Variants in MAPKAP1 observed in about 807,000 individuals in gnomAD.
MAPKAP1 encodes the protein MAPK associated protein 1.
MAPKAP1 carries 20 observed loss-of-function variants against 65.7 expected under a neutral mutation model. The observed-to-expected ratio is 0.30, with a 90% CI of 0.21 to 0.44. MAPKAP1 has a LOEUF of 0.44. Among genes scored for constraint, MAPKAP1 ranks in the 20% least tolerant of loss-of-function variants. MAPKAP1 has a pLI of 1.00. For synonymous variants in MAPKAP1, 222 were observed against 244.3 expected (o/e 0.91, Z 0.85); for missense variants, 423 against 648.0 (o/e 0.65, Z 3.77).
chr9:125,670,644 C>A (rs1288999412), intron 2 of MAPKAP1, among the ~76,000 whole-genome samples: 1 of 152,144 alleles, frequency 6.6e-6, no homozygotes, highest in East Asian at 1.9e-4. Flanking sequence ...ACAAGAGTCA[C>A]CTAAAATTAT....
intron 8 of MAPKAP1, among the ~76,000 whole-genome samples, chr9:125,504,496 G>A (rs752557860): frequency 1.1e-4 from 17 of 152,080 alleles, no homozygotes; most frequent in South Asian, 8.3e-4. Flanking sequence ...AGCATCCTAG[G>A]CCGGTGTGGT....
At chr9:125,673,470 C>T (rs1351434909) in intron 1 of MAPKAP1, among the ~76,000 whole-genome samples, 1 of 152,212 alleles carries the variant, frequency 6.6e-6, no homozygotes, top group Non-Finnish European at 1.5e-5. Context: ...AGTTGATCCG[C>T]CCGCCTTGGC....
chr9:125,446,633 C>A (rs1032276442), intron 10 of MAPKAP1, among the ~76,000 whole-genome samples: 1 of 152,110 alleles, frequency 6.6e-6, no homozygotes, highest in African/African-American at 2.4e-5. Context: ...CAAAGAGACA[C>A]CCCCTCCAGG....
intron 7 of MAPKAP1, among the ~76,000 whole-genome samples, chr9:125,514,781 T>A (rs1041664332): frequency 3.9e-5 from 6 of 152,166 alleles, no homozygotes; most frequent in Non-Finnish European, 8.8e-5. Flanking sequence ...GGCTGGAGAC[T>A]TATGGCAGGA....
chr9:125,472,500 T>C (rs1221818211), intron 9 of MAPKAP1, among the ~76,000 whole-genome samples: 1 of 152,256 alleles, frequency 6.6e-6, no homozygotes, highest in South Asian at 2.1e-4. Context: ...CCACCGAGCA[T>C]AGTTTTGATT....
At chr9:125,640,999 C>T (rs1399199177) in intron 4 of MAPKAP1, among the ~76,000 whole-genome samples, 1 of 152,112 alleles carries the variant, frequency 6.6e-6, no homozygotes, top group Non-Finnish European at 1.5e-5. Flanking sequence ...CTGGCCCTAC[C>T]GTATAGCAGG....
intron 4 of MAPKAP1, among the ~76,000 whole-genome samples, chr9:125,592,119 G>A (rs1327780633): frequency 6.6e-6 from 1 of 152,154 alleles, no homozygotes; most frequent in African/African-American, 2.4e-5. Context: ...AAAGTCCACT[G>A]ACATACAATG....
At chr9:125,512,641 G>T (rs1829335279) in intron 7 of MAPKAP1, among the ~76,000 whole-genome samples, 1 of 152,092 alleles carries the variant, frequency 6.6e-6, no homozygotes, top group Non-Finnish European at 1.5e-5. Flanking sequence ...GAGTGCAGTG[G>T]CGCAATCTCG....
chr9:125,455,015 C>T (rs1043274928), intron 10 of MAPKAP1, among the ~76,000 whole-genome samples: 1 of 151,332 alleles, frequency 6.6e-6, no homozygotes, highest in African/African-American at 2.4e-5. Context: ...GTGAGACCCC[C>T]ATCTCTATTT....
chr9:125,458,417 T>A (rs987467705), intron 10 of MAPKAP1, among the ~76,000 whole-genome samples: 1 of 151,994 alleles, frequency 6.6e-6, no homozygotes, highest in Admixed American at 6.6e-5. Context: ...TGGTGATGAC[T>A]CTTAACGAGC....
intron 9 of MAPKAP1, among the ~76,000 whole-genome samples, chr9:125,479,129 C>T (rs76105947): frequency 0.11 from 16,145 of 152,154 alleles, 1,456 homozygotes; most frequent in African/African-American, 0.24. Flanking sequence ...CGATTTCAGG[C>T]GCCAGCGCAT....
At chr9:125,511,065 C>T (rs1237272746) in intron 7 of MAPKAP1, among the ~76,000 whole-genome samples, 4 of 152,194 alleles carry the variant, frequency 2.6e-5, no homozygotes, top group Non-Finnish European at 4.4e-5. Flanking sequence ...ACCTACCTCA[C>T]AGGATTGTCT....
intron 1 of MAPKAP1, among the ~76,000 whole-genome samples, chr9:125,682,876 C>T (rs1834863373): frequency 6.6e-6 from 1 of 152,078 alleles, no homozygotes; most frequent in African/African-American, 2.4e-5. Context: ...ACCAAAGATA[C>T]ACTGCTGAGC....
intron 11 of MAPKAP1, among the ~76,000 whole-genome samples, chr9:125,440,428 C>G (rs1385634504): frequency 6.6e-6 from 1 of 152,232 alleles, no homozygotes; most frequent in East Asian, 1.9e-4. Context: ...GACGCTATTT[C>G]TCTTCACCTG....
At chr9:125,456,579 C>G (rs1853170237) in intron 10 of MAPKAP1, among the ~76,000 whole-genome samples, 1 of 152,228 alleles carries the variant, frequency 6.6e-6, no homozygotes, top group South Asian at 2.1e-4. Context: ...TGGGATGTCA[C>G]TTCTGTGAAT....
chr9:125,695,028 C>T (rs754968094), intron 1 of MAPKAP1, among the ~76,000 whole-genome samples: 75 of 152,152 alleles, frequency 4.9e-4, no homozygotes, highest in Non-Finnish European at 9.0e-4. Flanking sequence ...TTTTTTATAC[C>T]AACAATGTGA....
chr9:125,646,417 G>A (rs147487976), intron 4 of MAPKAP1, among the ~76,000 whole-genome samples: 2 of 152,288 alleles, frequency 1.3e-5, no homozygotes, highest in Admixed American at 6.5e-5. Context: ...TATCCCTTCC[G>A]TGAAGTTTCA....
intron 9 of MAPKAP1, among the ~76,000 whole-genome samples, chr9:125,470,115 C>A (rs183906922): frequency 3.1e-4 from 47 of 152,298 alleles, no homozygotes; most frequent in African/African-American, 9.9e-4. Context: ...TTGTTCTATG[C>A]CCCTACAACT....
intron 4 of MAPKAP1, among the ~76,000 whole-genome samples, chr9:125,628,895 A>G (rs1833190121): frequency 6.6e-6 from 1 of 152,190 alleles, no homozygotes. Flanking sequence ...CAAGAACAAC[A>G]ACAACAAAAA....
Sources: allele counts gnomAD v4.1 joint callset (sites outside exome capture counted in the v4.1 genomes callset), GRCh38; gene constraint gnomAD v4.1.1; transcripts MANE v1.5; gene names NCBI Gene and HGNC (gene_info 2026-07-23, HGNC 2026-07-21).